The following SPDYE10 variants were observed in gnomAD, a reference collection of about 807,000 sequenced individuals.
SPDYE10 encodes the protein speedy/RINGO cell cycle regulator family member E10.
chr7:73,123,728 G>C, the SPDYE10 span, among the ~76,000 whole-genome samples: 2,482 of 149,628 alleles, frequency 0.017, 1 homozygote, highest in African/African-American at 0.059. Context: ...AAAGTGCTGG[G>C]ATTACAGGCA....
At chr7:73,147,003 A>AGAGTT in the SPDYE10 span, among the ~76,000 whole-genome samples, 1 of 40,230 alleles carries the variant, frequency 2.5e-5, no homozygotes, top group Non-Finnish European at 4.3e-5. Context: ...TCATAGATTT[A>AGAGTT]CATAAGTAAA....
chr7:73,114,899 C>A, the SPDYE10 span, among the ~76,000 whole-genome samples: 3 of 135,830 alleles, frequency 2.2e-5, no homozygotes, highest in Middle Eastern at 4.3e-3. Flanking sequence ...AGCGGGTCAT[C>A]TGATTTTTTT....
chr7:73,126,432 G>GGGA, the SPDYE10 span, among the ~76,000 whole-genome samples: 1 of 116,000 alleles, frequency 8.6e-6, no homozygotes, highest in Non-Finnish European at 1.7e-5. Flanking sequence ...ACTTGAACCC[G>GGGA]GGAGGCAGAG....
chr7:73,110,912 GTCC>G, the SPDYE10 span: 4 of 1,363,176 alleles, frequency 2.9e-6, no homozygotes, highest in Admixed American at 9.4e-5. Flanking sequence ...TCTCTGGGGT[GTCC>G]TCCTACCAAG....
chr7:73,113,818 G>A, the SPDYE10 span, among the ~76,000 whole-genome samples: 22 of 151,998 alleles, frequency 1.4e-4, no homozygotes, highest in African/African-American at 4.1e-4. Context: ...GGTGGATCAC[G>A]AGATCAGGAG....
At chr7:73,137,622 G>GAAAGAA in the SPDYE10 span, among the ~76,000 whole-genome samples, 1 of 141,294 alleles carries the variant, frequency 7.1e-6, no homozygotes, top group African/African-American at 2.7e-5. Flanking sequence ...AAGAAAGAAA[G>GAAAGAA]AAAGAAAGAA....
At chr7:73,127,429 T>A in the SPDYE10 span, among the ~76,000 whole-genome samples, 2 of 115,570 alleles carry the variant, frequency 1.7e-5, 1 homozygote, top group Non-Finnish European at 3.7e-5. Flanking sequence ...CATGGTGGTG[T>A]GCGCTTGTAA....
At chr7:73,128,058 A>G in the SPDYE10 span, among the ~76,000 whole-genome samples, 1 of 151,346 alleles carries the variant, frequency 6.6e-6, no homozygotes, top group Non-Finnish European at 1.5e-5. Context: ...AAACAGAAAC[A>G]AAGTAAATGT....
At chr7:73,132,363 T>C in the SPDYE10 span, among the ~76,000 whole-genome samples, 1 of 150,192 alleles carries the variant, frequency 6.7e-6, no homozygotes, top group Non-Finnish European at 1.5e-5. Context: ...CTGGGCAACA[T>C]AGCAAGACTC....
the SPDYE10 span, among the ~76,000 whole-genome samples, chr7:73,114,990 G>A: frequency 4.6e-5 from 7 of 151,568 alleles, no homozygotes; most frequent in South Asian, 6.3e-4. Flanking sequence ...TCCGCCTCCC[G>A]GGTTCAAGCG....
the SPDYE10 span, among the ~76,000 whole-genome samples, chr7:73,126,989 G>GCTCACTACAACCT: frequency 9.7e-6 from 1 of 103,350 alleles, no homozygotes; most frequent in African/African-American, 4.1e-5. Context: ...CGCCATCTCA[G>GCTCACTACAACCT]CTCACTACAA....
chr7:73,127,494 G>C, the SPDYE10 span, among the ~76,000 whole-genome samples: 237 of 93,278 alleles, frequency 2.5e-3, no homozygotes, highest in African/African-American at 9.2e-3. Flanking sequence ...TGGAGGCCAA[G>C]GTTGCAGTGA....
the SPDYE10 span, among the ~76,000 whole-genome samples, chr7:73,130,945 G>C: frequency 1.0e-4 from 10 of 99,478 alleles, no homozygotes; most frequent in Non-Finnish European, 1.7e-4. Flanking sequence ...GTTTATGGCT[G>C]TAATCCCAGC....
At chr7:73,145,164 CTCTT>C in the SPDYE10 span, among the ~76,000 whole-genome samples, 2 of 93,982 alleles carry the variant, frequency 2.1e-5, no homozygotes, top group Admixed American at 2.4e-4. Flanking sequence ...TTCTTTCTTT[CTCTT>C]TCTCTCTCTC....
chr7:73,120,888 G>A, the SPDYE10 span, among the ~76,000 whole-genome samples: 15 of 149,466 alleles, frequency 1.0e-4, no homozygotes, highest in African/African-American at 3.2e-4. Context: ...CTGGAGTGCA[G>A]TGGCCCACTG....
the SPDYE10 span, among the ~76,000 whole-genome samples, chr7:73,134,563 A>AAGAAAG: frequency 1.3e-5 from 2 of 152,144 alleles, no homozygotes; most frequent in Non-Finnish European, 2.9e-5. Flanking sequence ...GAAAGAAAGA[A>AAGAAAG]AGAAACCGTG....
At chr7:73,149,707 C>T in the SPDYE10 span, among the ~76,000 whole-genome samples, 1 of 145,574 alleles carries the variant, frequency 6.9e-6, no homozygotes, top group Non-Finnish European at 1.5e-5. Flanking sequence ...AAGATGGTCT[C>T]GTTCACATCT....
the SPDYE10 span, among the ~76,000 whole-genome samples, chr7:73,113,840 C>A: frequency 7.2e-5 from 11 of 152,018 alleles, no homozygotes; most frequent in African/African-American, 2.7e-4. Context: ...TCGAGACCAT[C>A]CTGGCTAACA....
At chr7:73,127,453 G>A in the SPDYE10 span, among the ~76,000 whole-genome samples, 1 of 112,290 alleles carries the variant, frequency 8.9e-6, no homozygotes, top group Non-Finnish European at 1.9e-5. Context: ...CAGCTGCTTG[G>A]GAGGCTGAGG....
Sources: gnomAD v4.1 joint callset for allele counts (sites outside exome capture counted in the v4.1 genomes callset) on GRCh38, gnomAD v4.1.1 for gene constraint, MANE v1.5 for transcripts, NCBI Gene and HGNC (gene_info 2026-07-23, HGNC 2026-07-21) for gene names.